Variants in CNGB1 observed in about 807,000 individuals in gnomAD.
CNGB1 encodes the protein cyclic nucleotide gated channel subunit beta 1, also known as cyclic nucleotide-gated channel beta-1.
CNGB1 carries 126 observed loss-of-function variants against 151.7 expected under a neutral mutation model. The ratio of observed to expected loss-of-function variants is 0.83; its 90% CI spans 0.72 to 0.96. The LOEUF is 0.96. Ranked by LOEUF, CNGB1 falls within the 40% of genes least tolerant of loss-of-function variation. CNGB1 has a pLI of 0.00. For missense variants in CNGB1, 1,698 were observed against 1,627.0 expected, an observed-to-expected ratio of 1.04 and a Z score of -0.75; for synonymous variants, 623 against 635.1, an observed-to-expected ratio of 0.98 and a Z score of 0.29.
intron 9 of CNGB1, 34 bp from the exon 10 acceptor site, chr16:57,960,099 C>T (rs1216135437): frequency 6.5e-7 from 1 of 1,537,550 alleles, no homozygotes; most frequent in Non-Finnish European, 8.7e-7. Context: ...CTAGAGACGC[C>T]ATCCCTTGAG....
chr16:57,919,659 C>A (rs963197443), intron 19 of CNGB1, among the ~76,000 whole-genome samples: 2 of 152,164 alleles, frequency 1.3e-5, no homozygotes, highest in Admixed American at 1.3e-4. Context: ...TGCTGAAGGG[C>A]CTAACAAAAT....
rs761353212 is a variant in CNGB1, at chr16:57,923,232, C to T, written c.1643+41G>A. On this transcript the variant is annotated intron_variant, in intron 18 of 32. Transcript: ENST00000251102. ...AGCCCCCCCACATCCCCCACCCTCC[C>T]CGCAGTCTTTCAATTTTCTGAGACC... The T allele has an allele frequency of 1.2e-5, 17 of 1,397,876 alleles. No homozygotes were observed. In the Middle Eastern group the frequency reaches 7.4e-4, roughly 61 times the overall value. 86.6% of individuals were successfully genotyped at this position (1,397,876 alleles called of 1,614,324 possible). A position where few individuals can be genotyped will look rare whatever the true frequency, so the allele number is the denominator to read the frequency against.
intron 3 of CNGB1, 72 bp from the exon 4 acceptor site, chr16:57,964,274 C>A: frequency 6.5e-7 from 1 of 1,531,854 alleles, no homozygotes; most frequent in Non-Finnish European, 9.0e-7. Flanking sequence ...TTGGGGAGAT[C>A]AAGTCAGGGG....
At chr16:57,907,153 T>C (rs985274821) in intron 25 of CNGB1, among the ~76,000 whole-genome samples, 2 of 152,010 alleles carry the variant, frequency 1.3e-5, no homozygotes, top group African/African-American at 2.4e-5. Flanking sequence ...CAGCTCGAGC[T>C]CCTCCCGCAG....
intron 31 of CNGB1, among the ~76,000 whole-genome samples, chr16:57,893,802 T>A (rs1960156382): frequency 6.6e-6 from 1 of 151,904 alleles, no homozygotes; most frequent in Non-Finnish European, 1.5e-5. Flanking sequence ...CAAGACTCCA[T>A]CTCAAAAAAA....
At chr16:57,921,658 C>T (rs1342990924) in intron 18 of CNGB1, among the ~76,000 whole-genome samples, 1 of 152,158 alleles carries the variant, frequency 6.6e-6, no homozygotes, top group East Asian at 1.9e-4. Flanking sequence ...CAGGCTCTCG[C>T]TATTGGAATG....
chr16:57,954,745 C>G, intron 12 of CNGB1: 1 of 969,302 alleles, frequency 1.0e-6, no homozygotes, highest in Non-Finnish European at 1.2e-6. Flanking sequence ...TGTCCCCAAG[C>G]CTTGGAAGGA....
Position 57,920,492 on chromosome 16 carries a change from C to T in CNGB1, c.1696G>A (p.Asp566Asn), listed in dbSNP as rs752271901. The T allele has an allele frequency of 1.2e-6, 2 of 1,614,098 alleles. No homozygotes were observed. The highest frequency in any genetic ancestry group is 1.3e-5 in the African/African-American group (1 of 75,052). ...TASTNSAIINDRLQELVKLFK... is the reference protein window; with the variant it reads ...TASTNSAIINNRLQELVKLFK... ...AGCTTCACCAGCTCCTGGAGCCGGT[C>T]GTTGATGATGGCGCTATTTGTGCTG... is the stretch of plus-strand genomic sequence containing the variant. Residue 566 changes from aspartate to asparagine, a missense_variant, in exon 19 of 33, where the codon GAC becomes AAC. Physicochemically the swap from Asp to Asn is conservative, Grantham distance 23. Transcript: ENST00000251102.
intron 17 of CNGB1, among the ~76,000 whole-genome samples, chr16:57,926,746 G>A (rs1056564237): frequency 5.9e-4 from 90 of 152,288 alleles, no homozygotes; most frequent in African/African-American, 2.1e-3. Context: ...TTGGGAGGCT[G>A]AGGCGGGCAG....
At chr16:57,903,599 GC>G (rs1341381175) in intron 27 of CNGB1, among the ~76,000 whole-genome samples, 1 of 152,176 alleles carries the variant, frequency 6.6e-6, no homozygotes, top group Non-Finnish European at 1.5e-5. Flanking sequence ...CAGAAGACAA[GC>G]CCCCCGTCTC....
In CNGB1 at chr16:57,940,247, C is replaced by T. The variant is rs1352093340; in HGVS notation, c.1196G>A (p.Ser399Asn). ...QSEEDGTRPQ[S>N]TSDQKLWEEV... ...TGCTTCTCATACCTGATCTGAAGTG[C>T]TCTGGGGCCGGGTCCCGTCTTCTTC... The change falls in exon 15 of 33, where the codon AGC becomes AAC. Residue 399 changes from serine to asparagine, a missense_variant. Coordinates refer to ENST00000251102, the MANE Select transcript of CNGB1 (RefSeq NM_001297.5). 1.9e-6 allele frequency: 3 copies of T among 1,569,602 alleles called. No homozygotes were observed. In the Admixed American group the frequency reaches 5.7e-5, roughly 30 times the overall value.
rs371348182 is a variant in CNGB1 at position 57,897,388 on chromosome 16, G to T, written c.3242+9C>A. ...CAATTTTTTATTAAACGAAAGAAAA[G>T]TTACATACCTGGCTTTCTTCCGGAG... On this transcript the variant is annotated intron_variant, in intron 31 of 32. Coordinates refer to ENST00000251102, the MANE Select transcript of CNGB1 (RefSeq NM_001297.5). 31 of 1,613,008 alleles carry T rather than the reference G, an allele frequency of 1.9e-5. No individual in the cohort carries two copies. The highest frequency in any genetic ancestry group is 2.5e-5 in the Non-Finnish European group (29 of 1,179,504).
intron 21 of CNGB1, among the ~76,000 whole-genome samples, chr16:57,916,443 G>T (rs1335001875): frequency 6.6e-6 from 1 of 152,192 alleles, no homozygotes; most frequent in African/African-American, 2.4e-5. Flanking sequence ...CTGCCCATTG[G>T]TCTTACCTGG....
intron 17 of CNGB1, among the ~76,000 whole-genome samples, chr16:57,926,844 G>A (rs1961204046): frequency 6.6e-6 from 1 of 152,198 alleles, no homozygotes; most frequent in South Asian, 2.1e-4. Context: ...GCCGGGTATG[G>A]TGGCAGGCAC....
intron 17 of CNGB1, among the ~76,000 whole-genome samples, chr16:57,930,677 G>C (rs552333219): frequency 6.6e-6 from 1 of 152,332 alleles, no homozygotes; most frequent in African/African-American, 2.4e-5. Context: ...CTTAAAAAAG[G>C]AAGAAAATCC....
intron 17 of CNGB1, among the ~76,000 whole-genome samples, chr16:57,928,271 G>A (rs1961247706): frequency 6.6e-6 from 1 of 152,194 alleles, no homozygotes; most frequent in Admixed American, 6.5e-5. Flanking sequence ...CCTTGACTAG[G>A]AGTGTCACTC....
At chr16:57,943,925 T>C (rs1252373529) in intron 14 of CNGB1, among the ~76,000 whole-genome samples, 1 of 152,010 alleles carries the variant, frequency 6.6e-6, no homozygotes, top group Non-Finnish European at 1.5e-5. Context: ...TCTCGCTGTG[T>C]TGCCCAGGCT....
chr16:57,969,308 T>C (rs911446681), intron 1 of CNGB1, among the ~76,000 whole-genome samples: 3 of 151,064 alleles, frequency 2.0e-5, no homozygotes, highest in Non-Finnish European at 4.4e-5. Context: ...AGACTCCTTC[T>C]CAAAAACAAA....
Position 57,887,198 on chromosome 16 carries a change from A to T in CNGB1, c.3462+657T>A, listed in dbSNP as rs533937576. Among the ~76,000 whole-genome samples, 20 of 152,284 alleles carry T rather than the reference A, an allele frequency of 1.3e-4. No individual in the cohort carries two copies. In the South Asian group the frequency reaches 4.2e-3, roughly 32 times the overall value. ...ACCATGCCTGACCCAAATATCTTAAATTGTCACAGACACAGTATTAAATAT... is the reference window on the plus strand; with the variant it reads ...ACCATGCCTGACCCAAATATCTTAATTTGTCACAGACACAGTATTAAATAT... On this transcript the variant is annotated intron_variant, in intron 32 of 32. Transcript: ENST00000251102.
Sources: gnomAD v4.1 joint callset for allele counts (sites outside exome capture counted in the v4.1 genomes callset) on GRCh38, gnomAD v4.1.1 for gene constraint, MANE v1.5 for transcripts, NCBI Gene and HGNC (gene_info 2026-07-23, HGNC 2026-07-21) for gene names.